CDSN: variants seen among roughly 807,000 people sequenced by gnomAD.
The protein encoded by CDSN is corneodesmosin, also known as S protein.
Under a neutral mutation model 25.6 loss-of-function variants are expected in CDSN, and 11 were observed. The ratio of observed to expected loss-of-function variants is 0.43; its 90% CI spans 0.27 to 0.71. The LOEUF is 0.71. Among genes scored for constraint, CDSN ranks in the 30% least tolerant of loss-of-function variants. The pLI is 0.20. For missense variants in CDSN, 598 were observed against 670.9 expected (o/e 0.89, Z 1.20); for synonymous variants, 266 against 267.4 (o/e 0.99, Z 0.05).
rs375368228 is a variant in CDSN, at chr6:31,116,089, A to G, written c.1526T>C (p.Leu509Pro). Residue 509 changes from leucine to proline, a missense_variant, in exon 2 of 2, where the codon CTG (leucine) becomes CCG (proline). Leu to Pro is a moderately conservative substitution (Grantham distance 98). Coordinates refer to ENST00000376288, the MANE Select transcript of CDSN (RefSeq NM_001264.5). ...TTCAGGGTCAGCTAGCTGGGGCCCC[A>G]GAGGCTTCACTTGGGCTAGGATATC... ...IRDILAQVKPLGPQLADPEVF... is the reference protein window; with the variant it reads ...IRDILAQVKPPGPQLADPEVF... 1.7e-4 allele frequency: 278 copies of G among 1,611,972 alleles called. 2 individuals carry two copies. The East Asian group carries it at 2.1e-3, about 12-fold the overall frequency.
At position 31,116,689 on chromosome 6, in the gene CDSN, G is replaced by A; in HGVS notation, c.926C>T (p.Pro309Leu). Residue 309 changes from proline (P) to leucine (L), a missense_variant, in exon 2 of 2, where the codon CCA becomes CTA. Transcript: ENST00000376288. ...TTTACCCTTACTGTAGGTCATGCCT[G>A]GAACCAGATAACTGTCAGAGGAGCC... ...VGGSSDSYLV[P>L]GMTYSKGKIY... 1 of 1,612,734 alleles carries A rather than the reference G, an allele frequency of 6.2e-7. No homozygotes were observed. Among genetic ancestry groups the A allele is most frequent in the Non-Finnish European group, 8.5e-7 (1 of 1,180,014 alleles).
Position 31,115,909 on chromosome 6 carries a change from TG to T in CDSN, c.*115del. On this transcript the variant is annotated 3_prime_UTR_variant, in exon 2 of 2. Transcript: ENST00000376288. The surrounding 1 kb of genome is among the most constrained non-coding windows in gnomAD (Gnocchi z 4.2). ...AGTGGAGAAAGCAGAACCACTCTTT[TG>T]GGAAGGAGGGAAACTGAGCTAACCC... The T allele has an allele frequency of 2.2e-6, 2 of 901,876 alleles. No individual in the cohort carries two copies. The highest frequency in any genetic ancestry group is 3.6e-6 in the Non-Finnish European group (2 of 557,632). 55.9% of individuals were successfully genotyped at this position (901,876 alleles called of 1,614,324 possible).
chr6:31,117,410 T>C lies in CDSN; in HGVS notation c.205A>G (p.Ser69Gly), dbSNP rs763309819. 1 of 1,566,560 alleles carries C rather than the reference T, an allele frequency of 6.4e-7. No homozygotes were observed. ...GAGCTGCCAGAACTGCTGGAGCCAC[T>C]GTAGCTACTGAAACCGCTGGAGTCA... ...KGDSSGFSSYSGSSSSGSSIS... is the reference protein window; with the variant it reads ...KGDSSGFSSYGGSSSSGSSIS... Residue 69 changes from serine (S) to glycine (G), a missense_variant, in exon 2 of 2, where the codon AGT (serine) becomes GGT (glycine). By Grantham distance (56) the Ser-to-Gly change is moderately conservative (BLOSUM62 0). Transcript: ENST00000376288.
chr6:31,116,277 C>T lies in CDSN; in HGVS notation c.1338G>A (p.Gln446=). The part of the protein sequence containing the change: ...SSQSSGKIIL[Q]PCGSKSSSSG... ...AAGAGCTGGACTTGCTGCCACAAGG[C>T]TGAAGGATGATTTTGCCACTGGATT... Residue 446 remains glutamine, a synonymous_variant, in exon 2 of 2, where the codon CAG becomes CAA. Transcript: ENST00000376288. The T allele has an allele frequency of 6.2e-7, 1 of 1,614,112 alleles. No homozygotes were observed.
In CDSN at chr6:31,115,087, T is replaced by C; in HGVS notation, c.*938A>G. On this transcript the variant is annotated 3_prime_UTR_variant, in exon 2 of 2. Coordinates refer to ENST00000376288, the MANE Select transcript of CDSN (RefSeq NM_001264.5). The surrounding 1 kb of genome is among the most constrained non-coding windows in gnomAD (Gnocchi z 4.2). ...AGGATCTGGGAGGCCAGGCAATCTC[T>C]GCTTTCAGTTCAACAAATATTTATT... is the stretch of plus-strand genomic sequence containing the variant. The C allele has an allele frequency of 2.8e-6, 1 of 356,694 alleles. No individual in the cohort carries two copies. The highest frequency in any genetic ancestry group is 5.5e-6 in the Non-Finnish European group (1 of 181,614). The allele number at this position is 356,694 out of a possible 1,614,324, so 22.1% of individuals were successfully genotyped here. A position where few individuals can be genotyped will look rare whatever the true frequency, so the allele number is the denominator to read the frequency against.
intron 1 of CDSN, among the ~76,000 whole-genome samples, chr6:31,119,897 C>T (rs1293901358): frequency 1.6e-5 from 2 of 122,368 alleles, no homozygotes; most frequent in African/African-American, 6.6e-5. Context: ...CAGAGTGGGA[C>T]TCCATCTCAC....
At position 31,116,644 on chromosome 6, in the gene CDSN, AAGTAGCCCACAGGGT is replaced by A. The variant is rs1772144157; in HGVS notation, c.956_970del (p.Tyr319_Tyr323del). Reference sequence around the variant, plus strand: ...GCCTTTCACAGGGTTCTCTTTGGTGAAGTAGCCCACAGGGTAGATTTTACCCTTACTGTAGGTCAT... The same window carrying A: ...GCCTTTCACAGGGTTCTCTTTGGTGAAGATTTTACCCTTACTGTAGGTCAT... On this transcript the variant is annotated inframe_deletion, in exon 2 of 2. Transcript: ENST00000376288. The A allele has an allele frequency of 6.2e-7, 1 of 1,612,946 alleles. No homozygotes were observed.
intron 1 of CDSN, 37 bp from the exon 2 acceptor site, chr6:31,117,566 G>A (rs1475484238): frequency 1.3e-6 from 2 of 1,524,638 alleles, no homozygotes; most frequent in Admixed American, 3.9e-5. Context: ...GGGCCAAGGA[G>A]GCTTGGCTTC....
rs1273319504 is a variant in CDSN at position 31,117,861 on chromosome 6, G to C, written c.86-332C>G. 7 of 358,432 alleles carry C rather than the reference G, an allele frequency of 2.0e-5. No homozygotes were observed. The East Asian group carries it at 4.6e-4, about 24-fold the overall frequency. 22.2% of individuals were successfully genotyped at this position (358,432 alleles called of 1,614,324 possible). On this transcript the variant is annotated intron_variant, in intron 1 of 1. Coordinates refer to ENST00000376288, the MANE Select transcript of CDSN (RefSeq NM_001264.5). The stretch of plus-strand genomic sequence containing the variant: ...CGCCGGTAATCCCAGCACTTTGGGA[G>C]GCCGAGGTGGGAGGATTGCATGCGC...
rs1772185384 is a variant in CDSN, at chr6:31,117,106, A to G, written c.509T>C (p.Val170Ala). 1 of 1,614,052 alleles carries G rather than the reference A, an allele frequency of 6.2e-7. No individual in the cohort carries two copies. Among genetic ancestry groups the G allele is most frequent in the Non-Finnish European group, 8.5e-7 (1 of 1,180,032 alleles). Residue 170 changes from valine to alanine, a missense_variant, in exon 2 of 2, where the codon GTA becomes GCA. Transcript: ENST00000376288. The part of the protein sequence containing the change: ...SFQFSSSSFQ[V>A]GNGSALPTND... The stretch of plus-strand genomic sequence containing the variant: ...GGTTGGCAGAGCAGAGCCATTCCCT[A>G]CTTGGAAGCTGCTGCTGCTGAACTG...
chr6:31,116,842 T>G lies in CDSN; in HGVS notation c.773A>C (p.Asp258Ala). Reference sequence around the variant, plus strand: ...TCCAGGGGCACCAGAACCGTGCTGGTCCACCACCACCACCACAGGCCTCTG... The same window carrying G: ...TCCAGGGGCACCAGAACCGTGCTGGGCCACCACCACCACCACAGGCCTCTG... The part of the protein sequence containing the change: ...GGQRPVVVVV[D>A]QHGSGAPGVV... The change falls in exon 2 of 2, where the codon GAC becomes GCC. Residue 258 changes from aspartate (D) to alanine (A), a missense_variant. Transcript: ENST00000376288. The G allele has an allele frequency of 6.2e-7, 1 of 1,608,124 alleles. No homozygotes were observed. Among genetic ancestry groups the G allele is most frequent in the South Asian group, 1.1e-5 (1 of 90,650 alleles).
Position 31,116,162 on chromosome 6 carries a change from G to C in CDSN, c.1453C>G (p.Pro485Ala), listed in dbSNP as rs1357471241. Reference sequence around the variant, plus strand: ...TTTCCAGCACTGCTGGAGCCACAGGGCTTGGCACCAGCGGAGGGATCAGGA... The same window carrying C: ...TTTCCAGCACTGCTGGAGCCACAGGCCTTGGCACCAGCGGAGGGATCAGGA... ...PHPDPSAGAK[P>A]CGSSSAGKIP... Residue 485 changes from proline to alanine, a missense_variant, in exon 2 of 2, where the codon CCC becomes GCC. Physicochemically the swap from Pro to Ala is conservative, Grantham distance 27. Transcript: ENST00000376288. The C allele has an allele frequency of 6.2e-7, 1 of 1,611,864 alleles. No homozygotes were observed. Among genetic ancestry groups the C allele is most frequent in the Non-Finnish European group, 8.5e-7 (1 of 1,178,656 alleles).
chr6:31,115,524 T>G lies in CDSN; in HGVS notation c.*501A>C. 1 of 166,634 alleles carries G rather than the reference T, an allele frequency of 6.0e-6. No individual in the cohort carries two copies. The highest frequency in any genetic ancestry group is 1.3e-5 in the Non-Finnish European group (1 of 76,004). 10.3% of individuals were successfully genotyped at this position (166,634 alleles called of 1,614,324 possible). A position where few individuals can be genotyped will look rare whatever the true frequency, so the allele number is the denominator to read the frequency against. On this transcript the variant is annotated 3_prime_UTR_variant, in exon 2 of 2. Coordinates refer to ENST00000376288, the MANE Select transcript of CDSN (RefSeq NM_001264.5). The surrounding 1 kb of genome is among the most constrained non-coding windows in gnomAD (Gnocchi z 4.2). ...TTGGGAGCGAGAGCCCAGTGGCATA[T>G]TGGGTGGGTTGACTAGATGTCGAAG...
In CDSN at chr6:31,117,042, C is replaced by T. The variant is rs1406714788; in HGVS notation, c.573G>A (p.Gln191=). ...NSYRGILNPS[Q]PGQSSSSSQT... ...GGGAAGAGGAAGAGCTTTGTCCAGG[C>T]TGGGAAGGGTTTAGTATTCCGCGGT... is the stretch of plus-strand genomic sequence containing the variant. The change falls in exon 2 of 2, where the codon CAG becomes CAA. Residue 191 remains glutamine, a synonymous_variant. Coordinates refer to ENST00000376288, the MANE Select transcript of CDSN (RefSeq NM_001264.5). 1.2e-6 allele frequency: 2 copies of T among 1,614,110 alleles called. No individual in the cohort carries two copies. Among genetic ancestry groups the T allele is most frequent in the African/African-American group, 2.7e-5 (2 of 74,930 alleles).
chr6:31,115,928 G>A lies in CDSN; in HGVS notation c.*97C>T. 2 of 1,113,342 alleles carry A rather than the reference G, an allele frequency of 1.8e-6. No homozygotes were observed. Among genetic ancestry groups the A allele is most frequent in the Non-Finnish European group, 2.7e-6 (2 of 736,470 alleles). 69.0% of individuals were successfully genotyped at this position (1,113,342 alleles called of 1,614,324 possible). A position where few individuals can be genotyped will look rare whatever the true frequency, so the allele number is the denominator to read the frequency against. ...CTCTTTTGGGAAGGAGGGAAACTGA[G>A]CTAACCCTATGCCTGGGCACTGGAC... On this transcript the variant is annotated 3_prime_UTR_variant, in exon 2 of 2. Transcript: ENST00000376288. The surrounding 1 kb of genome is among the most constrained non-coding windows in gnomAD (Gnocchi z 4.2).
chr6:31,116,093 G>T lies in CDSN; in HGVS notation c.1522C>A (p.Pro508Thr), dbSNP rs753114787. ...GGGTCAGCTAGCTGGGGCCCCAGAG[G>T]CTTCACTTGGGCTAGGATATCCCGG... ...SIRDILAQVKPLGPQLADPEV... is the reference protein window; with the variant it reads ...SIRDILAQVKTLGPQLADPEV... Residue 508 changes from proline (P) to threonine (T), a missense_variant, in exon 2 of 2, where the codon CCT (proline) becomes ACT (threonine). Transcript: ENST00000376288. The T allele has an allele frequency of 5.6e-6, 9 of 1,612,042 alleles. No homozygotes were observed. The highest frequency in any genetic ancestry group is 7.6e-6 in the Non-Finnish European group (9 of 1,179,484).
At position 31,115,163 on chromosome 6, in the gene CDSN, G is replaced by A. The variant is rs539563595; in HGVS notation, c.*862C>T. The stretch of plus-strand genomic sequence containing the variant: ...GGAAGGTAGAAGAGAAACACAGCCC[G>A]CTTTTGAAGGAAAATGAGGAACACA... On this transcript the variant is annotated 3_prime_UTR_variant, in exon 2 of 2. Transcript: ENST00000376288. The surrounding 1 kb of genome is among the most constrained non-coding windows in gnomAD (Gnocchi z 4.2). The A allele has an allele frequency of 9.9e-5, 33 of 334,764 alleles. No homozygotes were observed. The highest frequency in any genetic ancestry group is 9.2e-4 in the Admixed American group (22 of 23,952). The allele number at this position is 334,764 out of a possible 1,614,324, so 20.7% of individuals were successfully genotyped here.
chr6:31,118,997 C>T (rs1772319665), intron 1 of CDSN, among the ~76,000 whole-genome samples: 2 of 151,800 alleles, frequency 1.3e-5, no homozygotes, highest in Admixed American at 1.3e-4. Flanking sequence ...TGCCCGCCAC[C>T]ACACCCAGCT....
chr6:31,117,369 T>C lies in CDSN; in HGVS notation c.246A>G (p.Arg82=). 1 of 1,576,020 alleles carries C rather than the reference T, an allele frequency of 6.3e-7. No individual in the cohort carries two copies. Among genetic ancestry groups the C allele is most frequent in the African/African-American group, 1.3e-5 (1 of 74,184 alleles). Residue 82 remains arginine (R), a synonymous_variant, in exon 2 of 2, where the codon AGA becomes AGG. Transcript: ENST00000376288. ...SSSGSSISSA[R]SSGGGSSGSS... is the part of the protein sequence containing the mutation. ...TACCACTGGAGCCACCACCAGAGCT[T>C]CTGGCACTGGAAATGGAGCTGCCAG... is the stretch of plus-strand genomic sequence containing the variant.
Sources: gnomAD v4.1 joint callset for allele counts (sites outside exome capture counted in the v4.1 genomes callset) on GRCh38, gnomAD v4.1.1 for gene constraint, Gnocchi (gnomAD v3.1) non-coding constraint, MANE v1.5 for transcripts, NCBI Gene and HGNC (gene_info 2026-07-23, HGNC 2026-07-21) for gene names.